SENP7: variants seen among roughly 807,000 people sequenced by gnomAD.
The protein encoded by SENP7 is SUMO specific peptidase 7.
In SENP7, 64 loss-of-function variants were observed where a neutral mutation model predicts 141.2. The observed-to-expected ratio is 0.45, with a 90% CI of 0.37 to 0.56. The LOEUF (loss-of-function observed/expected upper bound fraction) is 0.56, where lower values mean the gene tolerates loss of function less well. Ranked by LOEUF, SENP7 falls within the 20% of genes least tolerant of loss-of-function variation. The probability of loss-of-function intolerance (pLI) is 0.00; values close to 1 mark genes in which losing one functional copy is unlikely to be tolerated. For missense variants in SENP7, 1,025 were observed against 1,212.2 expected (o/e 0.85, Z 2.29); for synonymous variants, 382 against 426.4 (o/e 0.90, Z 1.28).
intron 14 of SENP7, among the ~76,000 whole-genome samples, chr3:101,343,207 TTTC>T (rs2059373300): frequency 6.6e-6 from 1 of 152,172 alleles, no homozygotes. Flanking sequence ...AGTTACCACT[TTTC>T]TTTTTGTAAA....
At chr3:101,370,970 T>C (rs552732065) in intron 7 of SENP7, among the ~76,000 whole-genome samples, 3 of 152,342 alleles carry the variant, frequency 2.0e-5, no homozygotes, top group East Asian at 3.9e-4. Context: ...TTTTTTGTAT[T>C]GTGAATAACT....
chr3:101,411,132 G>T (rs915342985), intron 5 of SENP7, among the ~76,000 whole-genome samples: 1 of 152,100 alleles, frequency 6.6e-6, no homozygotes, highest in African/African-American at 2.4e-5. Context: ...TCTAAAATGG[G>T]AAGAATAATA....
intron 6 of SENP7, among the ~76,000 whole-genome samples, chr3:101,383,989 G>A (rs371629865): frequency 1.9e-4 from 29 of 152,276 alleles, no homozygotes; most frequent in South Asian, 4.2e-4. Context: ...ACCAATAAGC[G>A]TGCACTTCCT....
At chr3:101,382,851 A>G (rs1282768970) in intron 6 of SENP7, among the ~76,000 whole-genome samples, 1 of 152,198 alleles carries the variant, frequency 6.6e-6, no homozygotes, top group East Asian at 1.9e-4. Flanking sequence ...AAAATAAACT[A>G]AAAGTCTTCT....
chr3:101,446,200 T>C (rs1036832980), intron 4 of SENP7, among the ~76,000 whole-genome samples: 1 of 152,202 alleles, frequency 6.6e-6, no homozygotes, highest in Non-Finnish European at 1.5e-5. Flanking sequence ...CCTCACCTTC[T>C]GCCATGATTG....
chr3:101,376,654 G>A (rs570522814), intron 6 of SENP7, among the ~76,000 whole-genome samples: 4 of 152,114 alleles, frequency 2.6e-5, no homozygotes, highest in Middle Eastern at 3.4e-3. Flanking sequence ...GGAGCGGGGA[G>A]GGATAGCATT....
At chr3:101,353,755 T>G (rs1365912957) in intron 11 of SENP7, among the ~76,000 whole-genome samples, 2 of 151,994 alleles carry the variant, frequency 1.3e-5, no homozygotes, top group African/African-American at 4.8e-5. Context: ...AAATAACCAG[T>G]GTCTAACTAT....
chr3:101,410,870 T>TAAAATAAAATAAAATA (rs2061438179), intron 5 of SENP7, among the ~76,000 whole-genome samples: 1 of 150,664 alleles, frequency 6.6e-6, no homozygotes, highest in Non-Finnish European at 1.5e-5. Flanking sequence ...TAAAATAAAA[T>TAAAATAAAATAAAATA]AAAATAAAAT....
intron 1 of SENP7, among the ~76,000 whole-genome samples, chr3:101,512,610 C>A (rs1159485712): frequency 6.6e-6 from 1 of 152,154 alleles, no homozygotes; most frequent in African/African-American, 2.4e-5. Context: ...AAGGAGTCTC[C>A]GGTCGCAAGC....
chr3:101,372,270 T>G, intron 6 of SENP7, 144 bp from the exon 7 acceptor site: 1 of 419,830 alleles, frequency 2.4e-6, no homozygotes, highest in Non-Finnish European at 4.3e-6. Flanking sequence ...AAAAAAATAT[T>G]GAACTCAGAT....
intron 6 of SENP7, among the ~76,000 whole-genome samples, chr3:101,384,232 C>A (rs1559750188): frequency 6.6e-6 from 1 of 152,258 alleles, no homozygotes; most frequent in Non-Finnish European, 1.5e-5. Flanking sequence ...TGTCCACATA[C>A]CTAATTCTTC....
chr3:101,496,838 A>G (rs1374406964), intron 2 of SENP7, among the ~76,000 whole-genome samples: 1 of 152,098 alleles, frequency 6.6e-6, no homozygotes, highest in African/African-American at 2.4e-5. Flanking sequence ...TTGGCCTCCC[A>G]AAGTGCTGGG....
intron 13 of SENP7, among the ~76,000 whole-genome samples, chr3:101,345,384 T>C (rs1489447270): frequency 6.6e-6 from 1 of 152,234 alleles, no homozygotes; most frequent in Non-Finnish European, 1.5e-5. Flanking sequence ...CTATGATTTC[T>C]TTCAGCAGTG....
rs905058428 is a variant in SENP7 at position 101,324,875 on chromosome 3, C to A, written c.*1068G>T. The A allele has an allele frequency of 6.6e-6, 1 of 151,852 alleles. No homozygotes were observed. The highest frequency in any genetic ancestry group is 2.4e-5 in the African/African-American group (1 of 41,370). The allele number at this position is 151,852 out of a possible 1,614,324, so 9.4% of individuals were successfully genotyped here. On this transcript the variant is annotated 3_prime_UTR_variant, in exon 24 of 24. Transcript: ENST00000394095. Reference sequence around the variant, plus strand: ...AGTGTTTAATCATATATAATGCCACCATTATCACATGAATTCAGAACTGTT... The same window carrying A: ...AGTGTTTAATCATATATAATGCCACAATTATCACATGAATTCAGAACTGTT...
At position 101,366,685 on chromosome 3, in the gene SENP7, C is replaced by T. The variant is rs375846850; in HGVS notation, c.1063G>A (p.Glu355Lys). The stretch of plus-strand genomic sequence containing the variant: ...CTTTTTGTAGGTTTAGTTGTAATTT[C>T]TTCAGGCAGTTTTGGATCCTGATGA... ...NYHQDPKLPE[E>K]ITTKPTKSDF... The change falls in exon 9 of 24, where the codon GAA (glutamate) becomes AAA (lysine). Residue 355 changes from glutamate (E) to lysine (K), a missense_variant. Around this residue, in one of 4 missense-constraint regions of SENP7, gnomAD observed 496 missense variants for 503.5 expected, o/e 0.99. Coordinates refer to ENST00000394095, the MANE Select transcript of SENP7 (RefSeq NM_020654.5). 6.2e-6 allele frequency: 10 copies of T among 1,613,398 alleles called. No homozygotes were observed. Among genetic ancestry groups the T allele is most frequent in the Non-Finnish European group, 8.5e-6 (10 of 1,179,686 alleles).
intron 11 of SENP7, among the ~76,000 whole-genome samples, chr3:101,354,494 G>A (rs541449694): frequency 2.2e-4 from 33 of 152,124 alleles, no homozygotes; most frequent in Non-Finnish European, 4.4e-4. Context: ...ACTTATAACT[G>A]AGAATATGCG....
chr3:101,426,292 G>T (rs1258155052), intron 4 of SENP7, among the ~76,000 whole-genome samples: 1 of 152,016 alleles, frequency 6.6e-6, no homozygotes, highest in Non-Finnish European at 1.5e-5. Flanking sequence ...AAGAAAAAAT[G>T]TTACAGGCAG....
intron 4 of SENP7, among the ~76,000 whole-genome samples, chr3:101,437,909 G>T (rs2062452061): frequency 6.6e-6 from 1 of 151,254 alleles, no homozygotes; most frequent in Non-Finnish European, 1.5e-5. Context: ...ATACCATTAG[G>T]ATGGCTACTA....
chr3:101,482,739 CCTAT>C (rs1328388458), intron 3 of SENP7, among the ~76,000 whole-genome samples: 27 of 151,948 alleles, frequency 1.8e-4, no homozygotes, highest in Non-Finnish European at 2.4e-4. Context: ...ACTATGGTGA[CCTAT>C]CTTTTTATTT....
Sources: gnomAD v4.1 joint callset for allele counts (sites outside exome capture counted in the v4.1 genomes callset) on GRCh38, gnomAD v4.1.1 for gene constraint, gnomAD v4.1.1 regional missense constraint, MANE v1.5 for transcripts, NCBI Gene and HGNC (gene_info 2026-07-23, HGNC 2026-07-21) for gene names.